The following NEO1 variants were observed in gnomAD, a reference collection of about 807,000 sequenced individuals.
NEO1 encodes the protein neogenin.
Under a neutral mutation model 159.7 loss-of-function variants are expected in NEO1, and 63 were observed. That is an observed-to-expected ratio of 0.39 (90% CI 0.32 to 0.49). NEO1 has a LOEUF of 0.49. NEO1 is among the 20% of genes least tolerant of loss of function. The probability of loss-of-function intolerance (pLI) is 0.85; values close to 1 mark genes in which losing one functional copy is unlikely to be tolerated. For missense variants in NEO1, 1,615 were observed against 1,831.0 expected (o/e 0.88, Z 2.15); for synonymous variants, 633 against 662.0 (o/e 0.96, Z 0.67).
At chr15:73,282,583 A>G (rs1418650666) in intron 22 of NEO1, among the ~76,000 whole-genome samples, 2 of 152,260 alleles carry the variant, frequency 1.3e-5, no homozygotes, top group African/African-American at 2.4e-5. Context: ...TGAAAACCAG[A>G]AAACTAAATG....
chr15:73,073,277 A>G (rs1225546040), intron 1 of NEO1, among the ~76,000 whole-genome samples: 1 of 152,178 alleles, frequency 6.6e-6, no homozygotes, highest in Non-Finnish European at 1.5e-5. Flanking sequence ...AGTCTTTTGC[A>G]TTTACCTGTC....
At chr15:73,118,165 T>G (rs186538999) in intron 2 of NEO1, among the ~76,000 whole-genome samples, 3 of 152,176 alleles carry the variant, frequency 2.0e-5, no homozygotes, top group Admixed American at 2.0e-4. Context: ...GCTTAGTAAT[T>G]TCTCTGTACT....
At chr15:73,149,706 T>A (rs989478082) in intron 5 of NEO1, among the ~76,000 whole-genome samples, 18 of 152,240 alleles carry the variant, frequency 1.2e-4, no homozygotes, top group Non-Finnish European at 2.4e-4. Flanking sequence ...TAAACATTTT[T>A]AAAATATTTA....
chr15:73,072,401 C>T (rs939809217), intron 1 of NEO1, among the ~76,000 whole-genome samples: 1 of 152,120 alleles, frequency 6.6e-6, no homozygotes, highest in Admixed American at 6.6e-5. Context: ...GAAGCAGGAA[C>T]ATAAATGAAA....
chr15:73,206,534 A>T (rs564726569), intron 7 of NEO1, among the ~76,000 whole-genome samples: 1 of 152,290 alleles, frequency 6.6e-6, no homozygotes, highest in South Asian at 2.1e-4. Flanking sequence ...CGTGTGGCTC[A>T]ATAGGAGCAG....
At chr15:73,252,367 G>T (rs2040121657) in intron 11 of NEO1, among the ~76,000 whole-genome samples, 2 of 152,212 alleles carry the variant, frequency 1.3e-5, no homozygotes, top group Admixed American at 1.3e-4. Flanking sequence ...CACACACTGA[G>T]ATAACTCTGG....
At chr15:73,191,221 G>T (rs2152013903) in intron 7 of NEO1, among the ~76,000 whole-genome samples, 1 of 152,136 alleles carries the variant, frequency 6.6e-6, no homozygotes, top group Admixed American at 6.5e-5. Context: ...CATCAGTTTT[G>T]TTACCTATAA....
At chr15:73,206,525 G>A (rs570424501) in intron 7 of NEO1, among the ~76,000 whole-genome samples, 22 of 152,130 alleles carry the variant, frequency 1.4e-4, no homozygotes, top group Non-Finnish European at 3.1e-4. Flanking sequence ...CTAGGGTAGC[G>A]TGTGGCTCAA....
chr15:73,097,314 A>G lies in NEO1; in HGVS notation c.131-19226A>G, dbSNP rs145143537. On this transcript the variant is annotated intron_variant, in intron 1 of 28. Transcript: ENST00000261908. ...TTTTATCTTTTAATTTCATTTTTCC[A>G]CGAACGTTTTGAAGTCCTCTCATAT... Among the ~76,000 whole-genome samples, 1,256 of 149,748 alleles carry G rather than the reference A, an allele frequency of 8.4e-3. 22 individuals are homozygous for G. Among genetic ancestry groups the G allele is most frequent in the African/African-American group, 0.029 (1,181 of 40,708 alleles).
intron 22 of NEO1, among the ~76,000 whole-genome samples, chr15:73,279,855 A>G (rs1434118065): frequency 6.6e-6 from 1 of 152,210 alleles, no homozygotes; most frequent in African/African-American, 2.4e-5. Context: ...GAGGCATGGC[A>G]ATATATTAAT....
At chr15:73,127,966 A>G (rs1183662731) in intron 4 of NEO1, among the ~76,000 whole-genome samples, 1 of 152,180 alleles carries the variant, frequency 6.6e-6, no homozygotes, top group African/African-American at 2.4e-5. Flanking sequence ...GACAATTTTA[A>G]TTTTTATAGT....
At chr15:73,226,794 C>CATG (rs2038617428) in intron 7 of NEO1, among the ~76,000 whole-genome samples, 1 of 152,094 alleles carries the variant, frequency 6.6e-6, no homozygotes, top group East Asian at 1.9e-4. Flanking sequence ...GAATATTTCC[C>CATG]ATGATACTTT....
intron 13 of NEO1, chr15:73,256,052 ATT>A (rs2040332443): frequency 6.6e-6 from 1 of 152,232 alleles, no homozygotes; most frequent in South Asian, 2.1e-4. Flanking sequence ...AAGCCCAAGA[ATT>A]AATTTCATCA....
intron 1 of NEO1, among the ~76,000 whole-genome samples, chr15:73,112,391 C>T (rs1222053203): frequency 6.6e-6 from 1 of 152,052 alleles, no homozygotes; most frequent in Non-Finnish European, 1.5e-5. Context: ...CCCCCCAATC[C>T]ATTGTCTTTT....
intron 1 of NEO1, among the ~76,000 whole-genome samples, chr15:73,094,808 G>A (rs976403985): frequency 2.0e-5 from 3 of 152,050 alleles, no homozygotes; most frequent in African/African-American, 7.2e-5. Context: ...ATCATTTCAG[G>A]GTTTTGTTGG....
intron 6 of NEO1, among the ~76,000 whole-genome samples, chr15:73,177,577 C>T (rs62016857): frequency 0.28 from 42,010 of 152,010 alleles, 7,373 homozygotes; most frequent in Non-Finnish European, 0.39. Context: ...GACAGGGTCT[C>T]GCTGTGTCAC....
chr15:73,260,062 C>G (rs2150986856), intron 14 of NEO1, among the ~76,000 whole-genome samples: 1 of 130,242 alleles, frequency 7.7e-6, no homozygotes, highest in South Asian at 2.4e-4. Context: ...TAAAGCTGTT[C>G]AGGTCTTTTT....
chr15:73,111,980 C>T (rs992221763), intron 1 of NEO1, among the ~76,000 whole-genome samples: 1 of 152,048 alleles, frequency 6.6e-6, no homozygotes, highest in Non-Finnish European at 1.5e-5. Context: ...TGATTTTTGT[C>T]ATGGAACTAT....
rs1195804950 is a variant in NEO1, at chr15:73,304,066, T to C, written c.*1370T>C. The C allele has an allele frequency of 6.6e-6, 1 of 152,188 alleles. No individual in the cohort carries two copies. The highest frequency in any genetic ancestry group is 1.5e-5 in the Non-Finnish European group (1 of 68,046). The allele number at this position is 152,188 out of a possible 1,614,324, so 9.4% of individuals were successfully genotyped here. ...TGAGGCTTCCACACATCTTTCTGAA[T>C]ATTATTTTTCAAGTAACAAGGGCAG... On this transcript the variant is annotated 3_prime_UTR_variant, in exon 29 of 29. Transcript: ENST00000261908.
Sources: gnomAD v4.1 joint callset for allele counts (sites outside exome capture counted in the v4.1 genomes callset) on GRCh38, gnomAD v4.1.1 for gene constraint, MANE v1.5 for transcripts, NCBI Gene and HGNC (gene_info 2026-07-23, HGNC 2026-07-21) for gene names.